The following SLC1A7 variants were observed in gnomAD, a reference collection of about 807,000 sequenced individuals.
The protein encoded by SLC1A7 is excitatory amino acid transporter 5.
A neutral mutation model predicts 47.7 loss-of-function variants in SLC1A7; 40 were observed. The observed-to-expected ratio is 0.84, with a 90% confidence interval of 0.65 to 1.09. The LOEUF (loss-of-function observed/expected upper bound fraction) is 1.09, where lower values mean the gene tolerates loss of function less well. SLC1A7 is among the 50% of genes least tolerant of loss of function. The pLI, the probability that SLC1A7 is intolerant of heterozygous loss-of-function variation, is 0.00. For synonymous variants in SLC1A7, 323 were observed against 325.6 expected (o/e 0.99, Z 0.09); for missense variants, 746 against 769.5 (o/e 0.97, Z 0.36).
At chr1:53,138,900 T>G (rs563393025) in intron 1 of SLC1A7, among the ~76,000 whole-genome samples, 2 of 152,288 alleles carry the variant, frequency 1.3e-5, no homozygotes, top group South Asian at 2.1e-4. Context: ...ACATCCCCTC[T>G]GTTGTACGGT....
At chr1:53,117,101 G>C (rs933501407) in intron 2 of SLC1A7, among the ~76,000 whole-genome samples, 3 of 152,200 alleles carry the variant, frequency 2.0e-5, no homozygotes, top group African/African-American at 7.2e-5. Context: ...AGGGCTCCCT[G>C]GAGGAGGTGG....
chr1:53,110,377 G>A (rs751151987), intron 3 of SLC1A7, among the ~76,000 whole-genome samples: 2 of 152,152 alleles, frequency 1.3e-5, no homozygotes, highest in Non-Finnish European at 1.5e-5. Context: ...ACCAAGAAAC[G>A]GTGAGAGCGA....
chr1:53,142,580 G>T lies in SLC1A7; in HGVS notation c.-131C>A. On this transcript the variant is annotated 5_prime_UTR_variant, in exon 1 of 11. Coordinates refer to ENST00000371494, the MANE Select transcript of SLC1A7 (RefSeq NM_006671.6). ...TGGTCGGAGTTGCTAAACACCAGTCGCCAGCCCCACGGCCATGCCCGTGTG... is the reference window on the plus strand; with the variant it reads ...TGGTCGGAGTTGCTAAACACCAGTCTCCAGCCCCACGGCCATGCCCGTGTG... 4 of 1,034,124 alleles carry T rather than the reference G, an allele frequency of 3.9e-6. No homozygotes were observed. The highest frequency in any genetic ancestry group is 5.4e-6 in the Non-Finnish European group (4 of 734,734). The allele number at this position is 1,034,124 out of a possible 1,614,324, so 64.1% of individuals were successfully genotyped here. A position where few individuals can be genotyped will look rare whatever the true frequency, so the allele number is the denominator to read the frequency against.
At chr1:53,107,654 C>T (rs1259948939) in intron 3 of SLC1A7, among the ~76,000 whole-genome samples, 1 of 151,152 alleles carries the variant, frequency 6.6e-6, no homozygotes, top group Non-Finnish European at 1.5e-5. Context: ...CCAAGCACTA[C>T]CATCCTAAAT....
In SLC1A7 at chr1:53,088,943, A is replaced by C; in HGVS notation, c.1398T>G (p.Asp466Glu). ...RFRTMINVLG[D>E]ALAAGIMAHI... The stretch of plus-strand genomic sequence containing the variant: ...GGGCCATGATCCCCGCTGCCAGCGC[A>C]TCACCCAGCACGTTAATCATGGTGC... Residue 466 changes from aspartate to glutamate, a missense_variant, in exon 10 of 11, where the codon GAT (aspartate) becomes GAG (glutamate). Transcript: ENST00000371494. 6.2e-7 allele frequency: 1 copy of C among 1,614,098 alleles called. No individual in the cohort carries two copies. Among genetic ancestry groups the C allele is most frequent in the Non-Finnish European group, 8.5e-7 (1 of 1,180,020 alleles).
At chr1:53,132,850 A>C (rs1557690881) in intron 2 of SLC1A7, among the ~76,000 whole-genome samples, 2 of 152,234 alleles carry the variant, frequency 1.3e-5, no homozygotes, top group Admixed American at 1.3e-4. Context: ...TATCTCAAAC[A>C]AAACAAAACT....
chr1:53,106,902 C>G (rs35161056), intron 3 of SLC1A7, among the ~76,000 whole-genome samples: 20,584 of 152,046 alleles, frequency 0.14, 1,510 homozygotes, highest in Middle Eastern at 0.19. Flanking sequence ...TGCCTGTAAT[C>G]CCAGCACTTT....
At chr1:53,089,748 C>G in intron 9 of SLC1A7, 52 bp downstream of exon 9, 1 of 1,595,512 alleles carries the variant, frequency 6.3e-7, no homozygotes, top group South Asian at 1.1e-5. Context: ...CCCTGCTGAC[C>G]CTGAAGTCAG....
At chr1:53,122,656 T>G (rs1301944833) in intron 2 of SLC1A7, among the ~76,000 whole-genome samples, 1 of 152,048 alleles carries the variant, frequency 6.6e-6, no homozygotes, top group Non-Finnish European at 1.5e-5. Flanking sequence ...TCAGCTAAAG[T>G]CTGGGCCATC....
At chr1:53,095,827 C>G (rs1411672550) in intron 5 of SLC1A7, among the ~76,000 whole-genome samples, 2 of 151,040 alleles carry the variant, frequency 1.3e-5, no homozygotes, top group East Asian at 3.9e-4. Context: ...CTCACACACA[C>G]TGCCTCGGTA....
rs562599013 is a variant in SLC1A7 at position 53,129,226 on chromosome 1, C to T, written c.215+5124G>A. 6.3e-5 allele frequency among the ~76,000 whole-genome samples: 6 copies of T among 94,808 alleles called. 1 individual carries two copies. The highest frequency in any genetic ancestry group is 1.9e-4 in the African/African-American group (5 of 25,852). 62.2% of individuals were successfully genotyped at this position (94,808 alleles called of 152,430 possible). On this transcript the variant is annotated intron_variant, in intron 2 of 10. Coordinates refer to ENST00000371494, the MANE Select transcript of SLC1A7 (RefSeq NM_006671.6). ...AAAGAAAAACATGGGACATCCATAA[C>T]GTACCAGGAGCCATGCTGGGTCTTC...
chr1:53,094,760 C>T (rs1160252559), intron 5 of SLC1A7, among the ~76,000 whole-genome samples: 1 of 152,240 alleles, frequency 6.6e-6, no homozygotes, highest in Non-Finnish European at 1.5e-5. Flanking sequence ...CCACCACGCA[C>T]GGGCTTCCTG....
At chr1:53,109,644 G>T (rs368765717) in intron 3 of SLC1A7, among the ~76,000 whole-genome samples, 3 of 152,156 alleles carry the variant, frequency 2.0e-5, no homozygotes, top group Non-Finnish European at 4.4e-5. Flanking sequence ...CTGGTCATCA[G>T]TGTTTTTGTT....
At chr1:53,129,651 C>A (rs1395212510) in intron 2 of SLC1A7, among the ~76,000 whole-genome samples, 1 of 141,438 alleles carries the variant, frequency 7.1e-6, no homozygotes, top group African/African-American at 2.6e-5. Context: ...CCACTGCCCT[C>A]CCACTGGGCC....
At chr1:53,091,048 A>AC in intron 7 of SLC1A7, 1 of 1,196,870 alleles carries the variant, frequency 8.4e-7, no homozygotes, top group Non-Finnish European at 1.1e-6. Context: ...GGCGGGGCTG[A>AC]CCCATGTCAC....
At chr1:53,112,283 T>C (rs1463649820) in intron 3 of SLC1A7, among the ~76,000 whole-genome samples, 1 of 152,224 alleles carries the variant, frequency 6.6e-6, no homozygotes, top group African/African-American at 2.4e-5. Context: ...GCTGGCCTGC[T>C]GGAGTACAAA....
chr1:53,108,726 C>T (rs1043486856), intron 3 of SLC1A7: 2 of 709,348 alleles, frequency 2.8e-6, no homozygotes, highest in African/African-American at 3.5e-5. Context: ...GCACGGCACA[C>T]AGGAGGGCAG....
intron 2 of SLC1A7, among the ~76,000 whole-genome samples, chr1:53,117,545 G>A (rs912981610): frequency 2.0e-5 from 3 of 152,184 alleles, no homozygotes; most frequent in Non-Finnish European, 4.4e-5. Flanking sequence ...TCCCTGGAAG[G>A]GTGTTCCTAA....
intron 2 of SLC1A7, among the ~76,000 whole-genome samples, chr1:53,124,171 C>T (rs1274599864): frequency 6.6e-6 from 1 of 152,072 alleles, no homozygotes; most frequent in Non-Finnish European, 1.5e-5. Flanking sequence ...GTTTCTCTGG[C>T]CAAACATGAT....
Sources: allele counts gnomAD v4.1 joint callset (sites outside exome capture counted in the v4.1 genomes callset), GRCh38; gene constraint gnomAD v4.1.1; transcripts MANE v1.5; gene names NCBI Gene and HGNC (gene_info 2026-07-23, HGNC 2026-07-21).